RHCG: variants seen among roughly 807,000 people sequenced by gnomAD.
The protein encoded by RHCG is Rh family C glycoprotein, also known as ammonium transporter Rh type C.
Under a neutral mutation model 55.3 loss-of-function variants are expected in RHCG, and 39 were observed. The ratio of observed to expected loss-of-function variants is 0.70; its 90% CI spans 0.55 to 0.92. The LOEUF (loss-of-function observed/expected upper bound fraction) is 0.92, where lower values mean the gene tolerates loss of function less well. Ranked by LOEUF, RHCG falls within the 40% of genes least tolerant of loss-of-function variation. The pLI is 0.00. For synonymous variants in RHCG, 250 were observed against 246.8 expected (o/e 1.01, Z -0.12); for missense variants, 635 against 627.9 (o/e 1.01, Z -0.12).
Position 89,477,245 on chromosome 15 carries a change from G to A in RHCG, c.1113-39C>T. ...AGGGGGCAGGTCAGGGCCCCATGGA[G>A]AGGCCAAGTAACAGCTTGCTGCCAC... is the stretch of plus-strand genomic sequence containing the variant. On this transcript the variant is annotated intron_variant, in intron 7 of 10. Transcript: ENST00000268122. This position sits in a 1 kb window ranked among gnomAD's most constrained non-coding sequence, Gnocchi z 4.5. 1 of 1,611,532 alleles carries A rather than the reference G, an allele frequency of 6.2e-7. No individual in the cohort carries two copies.
chr15:89,485,187 T>A (rs1044970835), intron 2 of RHCG, among the ~76,000 whole-genome samples: 1 of 148,880 alleles, frequency 6.7e-6, no homozygotes, highest in Non-Finnish European at 1.5e-5. Flanking sequence ...ATAATTCCCT[T>A]TGAATTTTTT....
At chr15:89,480,185 C>T (rs1324698337) in intron 4 of RHCG, 76 bp downstream of exon 4, 2 of 1,587,932 alleles carry the variant, frequency 1.3e-6, no homozygotes, top group African/African-American at 2.7e-5. Context: ...TGGCCTTCAC[C>T]CATCATGGCT....
chr15:89,486,800 T>A lies in RHCG; in HGVS notation c.370A>T (p.Asn124Tyr). The A allele has an allele frequency of 6.3e-7, 1 of 1,585,320 alleles. No homozygotes were observed. The highest frequency in any genetic ancestry group is 8.6e-7 in the Non-Finnish European group (1 of 1,159,786). The change falls in exon 2 of 11, where the codon AAC (asparagine) becomes TAC (tyrosine). Residue 124 changes from asparagine (N) to tyrosine (Y), a missense_variant and splice_region_variant. Asn to Tyr is a moderately radical substitution (Grantham distance 143). Transcript: ENST00000268122. ...QDRYIVVGVE[N>Y]LINADFCVAS... is the part of the protein sequence containing the mutation. ...CCCCGGGGCCCGCCCTGCGCTCACT[T>A]CTCCACGCCCACGACGATGTAGCGG...
At chr15:89,496,257 T>C in intron 1 of RHCG, 104 bp downstream of exon 1, 1 of 1,176,828 alleles carries the variant, frequency 8.5e-7, no homozygotes, top group Admixed American at 1.9e-5. Flanking sequence ...AGTCCGCGGC[T>C]GCAGGGTAGA....
chr15:89,472,936 G>A, intron 9 of RHCG, 73 bp from the exon 10 acceptor site: 1 of 1,382,858 alleles, frequency 7.2e-7, no homozygotes, highest in Non-Finnish European at 9.5e-7. Flanking sequence ...ACTAGAACCT[G>A]GAGCTGCAAA....
chr15:89,481,870 C>T (rs1257186847), intron 3 of RHCG, among the ~76,000 whole-genome samples: 2 of 152,048 alleles, frequency 1.3e-5, no homozygotes, highest in East Asian at 1.9e-4. Context: ...GGCGTGATCT[C>T]GGCTCACCAC....
intron 3 of RHCG, among the ~76,000 whole-genome samples, 169 bp downstream of exon 3, chr15:89,482,898 T>C (rs1281965710): frequency 6.6e-6 from 1 of 152,226 alleles, no homozygotes; most frequent in Non-Finnish European, 1.5e-5. Flanking sequence ...CTGTAGTACC[T>C]GCCTGGTAGA....
intron 2 of RHCG, 81 bp from the exon 3 acceptor site, chr15:89,483,298 G>A (rs1961302712): frequency 7.5e-7 from 1 of 1,334,448 alleles, no homozygotes; most frequent in Admixed American, 2.6e-5. Context: ...GTCATATATG[G>A]ATTTGGGCTT....
intron 4 of RHCG, 84 bp downstream of exon 4, chr15:89,480,177 G>A: frequency 1.9e-6 from 3 of 1,562,134 alleles, no homozygotes; most frequent in Non-Finnish European, 2.6e-6. Flanking sequence ...CATCATGGTG[G>A]CCTTCACCCA....
rs1555461989 is a variant in RHCG at position 89,486,597 on chromosome 15, A to AGAGAGAGTGT, written c.371+201_371+202insACACTCTCTC. Reference sequence around the variant, plus strand: ...GAGAGAGAGAGAGAGAGAGAGAGAGAGAGTGTGTGTGTGTGTGTGTGTGTG... The same window carrying AGAGAGAGTGT: ...GAGAGAGAGAGAGAGAGAGAGAGAGAGAGAGAGTGTGAGTGTGTGTGTGTGTGTGTGTGTG... On this transcript the variant is annotated intron_variant, in intron 2 of 10. Transcript: ENST00000268122. 994 of 326,940 alleles carry AGAGAGAGTGT rather than the reference A, an allele frequency of 3.0e-3. 3 individuals are homozygous for AGAGAGAGTGT. The highest frequency in any genetic ancestry group is 4.3e-3 in the Non-Finnish European group (735 of 171,416). The allele number at this position is 326,940 out of a possible 1,614,324, so 20.3% of individuals were successfully genotyped here.
In RHCG at chr15:89,488,970, G is replaced by C. The variant is rs181995528; in HGVS notation, c.185-1985C>G. ...ATATACTGGAATAGTTAAGGGTAGAGGGCCATGACGTATGTGACTGACCCT... is the reference window on the plus strand; with the variant it reads ...ATATACTGGAATAGTTAAGGGTAGACGGCCATGACGTATGTGACTGACCCT... On this transcript the variant is annotated intron_variant, in intron 1 of 10. Transcript: ENST00000268122. Among the ~76,000 whole-genome samples, 385 of 152,294 alleles carry C rather than the reference G, an allele frequency of 2.5e-3. 1 individual carries two copies. The highest frequency in any genetic ancestry group is 8.8e-3 in the African/African-American group (365 of 41,554).
chr15:89,495,436 G>T (rs1961548854), intron 1 of RHCG, among the ~76,000 whole-genome samples: 2 of 152,156 alleles, frequency 1.3e-5, no homozygotes, highest in South Asian at 4.1e-4. Context: ...GAACACCACC[G>T]GCTAGAATAA....
At position 89,477,447 on chromosome 15, in the gene RHCG, G is replaced by T; in HGVS notation, c.1112+70C>A. On this transcript the variant is annotated intron_variant, in intron 7 of 10. Transcript: ENST00000268122. This position sits in a 1 kb window ranked among gnomAD's most constrained non-coding sequence, Gnocchi z 4.5. ...AGAAAGATGCAGTCGGGTCCCAGAG[G>T]AATAGCAGGAAGAAGGGATGGGAGA... The T allele has an allele frequency of 6.3e-7, 1 of 1,585,202 alleles. No homozygotes were observed. Among genetic ancestry groups the T allele is most frequent in the Non-Finnish European group, 8.6e-7 (1 of 1,163,294 alleles).
At chr15:89,485,719 A>C (rs1279215267) in intron 2 of RHCG, among the ~76,000 whole-genome samples, 3 of 152,170 alleles carry the variant, frequency 2.0e-5, no homozygotes, top group African/African-American at 7.2e-5. Flanking sequence ...TGACCTTTTC[A>C]TATGTCTACA....
rs546702291 is a variant in RHCG at position 89,473,860 on chromosome 15, T to C, written c.1312-997A>G. Among the ~76,000 whole-genome samples the C allele has an allele frequency of 7.2e-5, 11 of 152,290 alleles. No homozygotes were observed. The South Asian group carries it at 2.3e-3, about 32-fold the overall frequency. On this transcript the variant is annotated intron_variant, in intron 9 of 10. Coordinates refer to ENST00000268122, the MANE Select transcript of RHCG (RefSeq NM_016321.3). ...TATATAGAGCTGAGAGGTGTGAACT[T>C]GGAATAAATTATAAAGATCAAAACA...
chr15:89,486,769 C>G, intron 2 of RHCG, 30 bp downstream of exon 2: 2 of 1,564,350 alleles, frequency 1.3e-6, no homozygotes, highest in Non-Finnish European at 1.7e-6. Context: ...TCCCAGTCCG[C>G]CACGCCCCCG....
intron 1 of RHCG, among the ~76,000 whole-genome samples, chr15:89,490,215 C>T (rs1961448203): frequency 6.6e-6 from 1 of 152,264 alleles, no homozygotes; most frequent in Non-Finnish European, 1.5e-5. Context: ...CAGCTGCCTG[C>T]ACCTTGCCTG....
At chr15:89,486,440 G>T in intron 2 of RHCG, 1 of 460,840 alleles carries the variant, frequency 2.2e-6, no homozygotes, top group Non-Finnish European at 4.4e-6. Flanking sequence ...CCAGAGGAAA[G>T]TCTAGCCTCA....
intron 2 of RHCG, chr15:89,486,430 C>T: frequency 2.2e-6 from 1 of 459,486 alleles, no homozygotes; most frequent in Non-Finnish European, 4.4e-6. Context: ...GACCCTGCCC[C>T]CAGAGGAAAG....
Sources: allele counts gnomAD v4.1 joint callset (sites outside exome capture counted in the v4.1 genomes callset), GRCh38; gene constraint gnomAD v4.1.1; non-coding constraint Gnocchi (gnomAD v3.1); transcripts MANE v1.5; gene names NCBI Gene and HGNC (gene_info 2026-07-23, HGNC 2026-07-21).